The following CELF4 variants were observed in gnomAD, a reference collection of about 807,000 sequenced individuals.
CELF4 encodes the protein CUGBP Elav-like family member 4.
A neutral mutation model predicts 59.9 loss-of-function variants in CELF4; 18 were observed. The ratio of observed to expected loss-of-function variants is 0.30; its 90% CI spans 0.21 to 0.45. The LOEUF (loss-of-function observed/expected upper bound fraction) is 0.45. CELF4 is among the 20% of genes least tolerant of loss of function. CELF4 has a pLI of 1.00. For missense variants in CELF4, 456 were observed against 689.0 expected (o/e 0.66, Z 3.79); for synonymous variants, 261 against 267.1 (o/e 0.98, Z 0.22).
At chr18:37,264,601 A>G in intron 10 of CELF4, 73 bp downstream of exon 10, 2 of 1,319,718 alleles carry the variant, frequency 1.5e-6, no homozygotes, top group East Asian at 2.5e-5. Context: ...ACCCCAGCCC[A>G]AGGCCCAGGT....
At chr18:37,288,186 G>A (rs1300646272) in intron 3 of CELF4, among the ~76,000 whole-genome samples, 1 of 152,148 alleles carries the variant, frequency 6.6e-6, no homozygotes, top group East Asian at 1.9e-4. Flanking sequence ...TCTCTTTGAC[G>A]TTTTCCTGAA....
chr18:37,310,049 C>A (rs995687996), intron 3 of CELF4, among the ~76,000 whole-genome samples: 2 of 151,864 alleles, frequency 1.3e-5, no homozygotes, highest in African/African-American at 4.8e-5. Context: ...GTCATCACCC[C>A]TGCCACCTCC....
At chr18:37,549,924 C>G (rs1387130660) in intron 1 of CELF4, among the ~76,000 whole-genome samples, 1 of 152,088 alleles carries the variant, frequency 6.6e-6, no homozygotes, top group Non-Finnish European at 1.5e-5. Flanking sequence ...ATCCCCAGCT[C>G]AGAGAAAAGT....
At chr18:37,536,204 A>T (rs1364397473) in intron 1 of CELF4, among the ~76,000 whole-genome samples, 1 of 151,098 alleles carries the variant, frequency 6.6e-6, no homozygotes, top group Non-Finnish European at 1.5e-5. Context: ...AGGTGGGAGG[A>T]TACTCCCTGG....
rs57062456 is a variant in CELF4 at position 37,397,534 on chromosome 18, G to A, written c.370-75653C>T. Among the ~76,000 whole-genome samples the A allele has an allele frequency of 5.7e-3, 867 of 152,276 alleles. 3 individuals carry two copies. The highest frequency in any genetic ancestry group is 0.03 in the South Asian group (147 of 4,828). On this transcript the variant is annotated intron_variant, in intron 2 of 12. Coordinates refer to ENST00000420428, the MANE Select transcript of CELF4 (RefSeq NM_020180.4). ...GTTGGGATCCCTAAACTGCATGGAG[G>A]AGTCCTGGGGAGTCCATGGGTGGGG...
chr18:37,279,135 T>G (rs901615253), intron 3 of CELF4, among the ~76,000 whole-genome samples: 1 of 152,126 alleles, frequency 6.6e-6, no homozygotes, highest in Admixed American at 6.5e-5. Context: ...GGAGAGGCTC[T>G]GGTGGTCCCC....
At chr18:37,280,317 T>C (rs1212380348) in intron 3 of CELF4, among the ~76,000 whole-genome samples, 2 of 152,180 alleles carry the variant, frequency 1.3e-5, no homozygotes, top group Non-Finnish European at 2.9e-5. Flanking sequence ...CAAACATTGA[T>C]TGAGCACTCA....
At chr18:37,524,785 T>C (rs1185859332) in intron 1 of CELF4, among the ~76,000 whole-genome samples, 1 of 152,080 alleles carries the variant, frequency 6.6e-6, no homozygotes, top group African/African-American at 2.4e-5. Flanking sequence ...GCCGCTGGGG[T>C]GCGCAGCTGC....
rs1366853736 is a variant in CELF4 at position 37,275,104 on chromosome 18, G to A, written c.577+11C>T. On this transcript the variant is annotated intron_variant, in intron 4 of 12. Coordinates refer to ENST00000420428, the MANE Select transcript of CELF4 (RefSeq NM_020180.4). The stretch of plus-strand genomic sequence containing the variant: ...CCTCCGGGGCATCCCTCCCGGCCCC[G>A]CCCCGCGCACCCTTGCTGTTGCCGT... 3.7e-6 allele frequency: 6 copies of A among 1,612,004 alleles called. No individual in the cohort carries two copies. In the South Asian group the frequency reaches 4.4e-5, roughly 12 times the overall value.
At chr18:37,460,583 A>G (rs1296398348) in intron 2 of CELF4, among the ~76,000 whole-genome samples, 6 of 152,178 alleles carry the variant, frequency 3.9e-5, no homozygotes, top group Non-Finnish European at 8.8e-5. Context: ...TGAGCTCTAG[A>G]TATGTCTCAC....
intron 3 of CELF4, among the ~76,000 whole-genome samples, chr18:37,317,921 G>C (rs770858496): frequency 6.6e-6 from 1 of 152,296 alleles, no homozygotes; most frequent in East Asian, 1.9e-4. Context: ...CCTGAGATGG[G>C]GGATGAGAAG....
chr18:37,346,377 T>C (rs2098259273), intron 2 of CELF4, among the ~76,000 whole-genome samples: 1 of 151,794 alleles, frequency 6.6e-6, no homozygotes. Flanking sequence ...AGGGGAGAAG[T>C]GGGGAATGAA....
At chr18:37,310,220 C>G (rs895946899) in intron 3 of CELF4, among the ~76,000 whole-genome samples, 10 of 152,134 alleles carry the variant, frequency 6.6e-5, no homozygotes, top group Admixed American at 3.9e-4. Flanking sequence ...CGGGGCAAGA[C>G]AGCACTGTGA....
chr18:37,431,108 G>A (rs1053145685), intron 2 of CELF4, among the ~76,000 whole-genome samples: 9 of 152,136 alleles, frequency 5.9e-5, no homozygotes, highest in Non-Finnish European at 1.2e-4. Context: ...GTGAGGATGG[G>A]CCGCTGAGCC....
intron 2 of CELF4, among the ~76,000 whole-genome samples, chr18:37,337,610 A>G (rs1295479958): frequency 6.6e-6 from 1 of 152,314 alleles, no homozygotes; most frequent in South Asian, 2.1e-4. Flanking sequence ...AGGCCCCCTC[A>G]GTGACTGAGG....
intron 3 of CELF4, among the ~76,000 whole-genome samples, chr18:37,309,714 G>A (rs915772737): frequency 6.6e-6 from 1 of 151,892 alleles, no homozygotes; most frequent in African/African-American, 2.4e-5. Flanking sequence ...CGCGCCCTGG[G>A]ATGTCAGCAG....
At chr18:37,438,696 C>G (rs757839052) in intron 2 of CELF4, among the ~76,000 whole-genome samples, 30 of 152,196 alleles carry the variant, frequency 2.0e-4, no homozygotes, top group Non-Finnish European at 8.8e-5. Context: ...GCTGTGGTTT[C>G]TTCACACCAT....
chr18:37,375,861 A>G (rs1312868757), intron 2 of CELF4, among the ~76,000 whole-genome samples: 12 of 151,924 alleles, frequency 7.9e-5, no homozygotes, highest in Admixed American at 7.9e-4. Context: ...CCGGTCCCAG[A>G]CCCTGGCCTG....
chr18:37,303,517 T>C (rs2096209641), intron 3 of CELF4, among the ~76,000 whole-genome samples: 1 of 152,182 alleles, frequency 6.6e-6, no homozygotes, highest in Middle Eastern at 3.2e-3. Context: ...CCCACAGTAA[T>C]ATCAGACCAA....
Sources: allele counts gnomAD v4.1 joint callset (sites outside exome capture counted in the v4.1 genomes callset), GRCh38; gene constraint gnomAD v4.1.1; transcripts MANE v1.5; gene names NCBI Gene and HGNC (gene_info 2026-07-23, HGNC 2026-07-21).